The following UNC13B variants were observed in gnomAD, a reference collection of about 807,000 sequenced individuals.
The protein encoded by UNC13B is unc-13 homolog B, also known as protein unc-13 homolog B.
Under a neutral mutation model 211.0 loss-of-function variants are expected in UNC13B, and 144 were observed. The observed-to-expected ratio is 0.68, with a 90% CI of 0.60 to 0.78. UNC13B has a LOEUF of 0.78. Ranked by LOEUF, UNC13B falls within the 30% of genes least tolerant of loss-of-function variation. The probability of loss-of-function intolerance (pLI) is 0.00; values close to 1 mark genes in which losing one functional copy is unlikely to be tolerated. For synonymous variants in UNC13B, 709 were observed against 725.8 expected (o/e 0.98, Z 0.37); for missense variants, 1,777 against 2,002.0 (o/e 0.89, Z 2.14).
chr9:35,189,121 A>C (rs1822513709), intron 1 of UNC13B, among the ~76,000 whole-genome samples: 1 of 152,188 alleles, frequency 6.6e-6, no homozygotes, highest in South Asian at 2.1e-4. Flanking sequence ...ATAATCCCTC[A>C]TACCTGGGCA....
chr9:35,363,031 C>T (rs1833533093), intron 11 of UNC13B, among the ~76,000 whole-genome samples: 1 of 152,040 alleles, frequency 6.6e-6, no homozygotes, highest in Admixed American at 6.6e-5. Context: ...GTGTGAGATG[C>T]TATTTCAGGC....
chr9:35,204,043 G>C (rs1201862750), intron 1 of UNC13B, among the ~76,000 whole-genome samples: 1 of 152,254 alleles, frequency 6.6e-6, no homozygotes, highest in Non-Finnish European at 1.5e-5. Context: ...ACAGCTCCAT[G>C]CATCCTGGAG....
intron 11 of UNC13B, among the ~76,000 whole-genome samples, chr9:35,328,983 A>G (rs753181911): frequency 1.8e-4 from 28 of 151,858 alleles, no homozygotes; most frequent in South Asian, 2.1e-4. Flanking sequence ...GTGTTAGCTA[A>G]GATGGTCTCG....
In UNC13B at chr9:35,303,854, A is replaced by C. The variant is rs906281204; in HGVS notation, c.4450A>C (p.Thr1484Pro). 11 of 398,682 alleles carry C rather than the reference A, an allele frequency of 2.8e-5. No individual in the cohort carries two copies. The highest frequency in any genetic ancestry group is 4.9e-5 in the Non-Finnish European group (11 of 225,852). 24.7% of individuals were successfully genotyped at this position (398,682 alleles called of 1,614,324 possible). ...DLSSSSDHEK[T>P]TCPVVDQESL... ...AAGTTCTTCATCAGATCATGAAAAG[A>C]CTACATGCCCCGTAGTTGATCAAGA... Residue 1484 changes from threonine (T) to proline (P), a missense_variant, in exon 9 of 40, where the codon ACT becomes CCT. Transcript: ENST00000635942.
chr9:35,219,714 C>G (rs1047011439), intron 1 of UNC13B, among the ~76,000 whole-genome samples: 1 of 151,586 alleles, frequency 6.6e-6, no homozygotes, highest in African/African-American at 2.4e-5. Context: ...CATGTAGTTG[C>G]CACCTTAATT....
intron 1 of UNC13B, among the ~76,000 whole-genome samples, chr9:35,216,893 G>C (rs1016103914): frequency 6.6e-5 from 10 of 152,068 alleles, no homozygotes; most frequent in Non-Finnish European, 2.9e-5. Flanking sequence ...ATTATGCTGA[G>C]TGGAAAAAAA....
intron 24 of UNC13B, among the ~76,000 whole-genome samples, chr9:35,387,537 A>C (rs1043217022): frequency 6.6e-6 from 1 of 152,156 alleles, no homozygotes; most frequent in East Asian, 1.9e-4. Context: ...CTCCTCTGTC[A>C]TCTGTCTATG....
At chr9:35,181,325 T>G (rs1045117187) in intron 1 of UNC13B, among the ~76,000 whole-genome samples, 2 of 152,202 alleles carry the variant, frequency 1.3e-5, no homozygotes, top group Non-Finnish European at 2.9e-5. Flanking sequence ...GATTCTGTTT[T>G]CTAAAAAAAA....
intron 11 of UNC13B, chr9:35,352,557 A>C: frequency 2.0e-5 from 25 of 1,232,190 alleles, no homozygotes; most frequent in Non-Finnish European, 2.5e-5. Context: ...CTTCAGATGG[A>C]AACAGGGGAC....
chr9:35,180,320 G>A (rs1365955691), intron 1 of UNC13B, among the ~76,000 whole-genome samples: 2 of 152,010 alleles, frequency 1.3e-5, no homozygotes, highest in South Asian at 2.1e-4. Flanking sequence ...TTCTTTTTAA[G>A]TTGTGATAAG....
chr9:35,378,201 G>A, intron 16 of UNC13B, 94 bp from the exon 17 acceptor site: 3 of 1,513,328 alleles, frequency 2.0e-6, no homozygotes, highest in Non-Finnish European at 2.7e-6. Context: ...TCTGTGCAAG[G>A]AGCATAGACT....
intron 11 of UNC13B, among the ~76,000 whole-genome samples, chr9:35,348,210 A>G (rs955783473): frequency 6.6e-6 from 1 of 152,232 alleles, no homozygotes; most frequent in Non-Finnish European, 1.5e-5. Flanking sequence ...AGTCAGCTTC[A>G]TTAGTGTTCC....
At chr9:35,299,475 G>T (rs1829564207) in intron 8 of UNC13B, among the ~76,000 whole-genome samples, 1 of 151,828 alleles carries the variant, frequency 6.6e-6, no homozygotes, top group African/African-American at 2.4e-5. Flanking sequence ...GATATATTTT[G>T]CTGGTATACT....
chr9:35,393,510 A>G (rs1316846424), intron 26 of UNC13B, among the ~76,000 whole-genome samples: 1 of 149,876 alleles, frequency 6.7e-6, no homozygotes, highest in Non-Finnish European at 1.5e-5. Flanking sequence ...GAAGATGGAG[A>G]GGTGTGACGG....
At chr9:35,202,937 C>T (rs534096520) in intron 1 of UNC13B, among the ~76,000 whole-genome samples, 5 of 152,066 alleles carry the variant, frequency 3.3e-5, no homozygotes, top group South Asian at 2.1e-4. Context: ...GGACAACAGG[C>T]GCCTGCCAAC....
chr9:35,182,130 A>G (rs1275131525), intron 1 of UNC13B, among the ~76,000 whole-genome samples: 1 of 152,154 alleles, frequency 6.6e-6, no homozygotes, highest in Non-Finnish European at 1.5e-5. Flanking sequence ...TTCCTATATC[A>G]TCTTCAGTAA....
intron 22 of UNC13B, chr9:35,385,294 G>A: frequency 1.0e-6 from 1 of 985,432 alleles, no homozygotes; most frequent in Non-Finnish European, 1.2e-6. Context: ...AAAAGTACAG[G>A]TCCTGGACCT....
chr9:35,217,635 C>A (rs1167576134), intron 1 of UNC13B, among the ~76,000 whole-genome samples: 2 of 152,194 alleles, frequency 1.3e-5, no homozygotes, highest in Admixed American at 1.3e-4. Context: ...GTGATCCGCC[C>A]GCCTCGGCCT....
At chr9:35,363,327 A>G (rs533017542) in intron 11 of UNC13B, among the ~76,000 whole-genome samples, 2 of 151,834 alleles carry the variant, frequency 1.3e-5, no homozygotes, top group Admixed American at 1.3e-4. Context: ...GGAGAGGTAC[A>G]TTTCCAGTTT....
Sources: gnomAD v4.1 joint callset for allele counts (sites outside exome capture counted in the v4.1 genomes callset) on GRCh38, gnomAD v4.1.1 for gene constraint, MANE v1.5 for transcripts, NCBI Gene and HGNC (gene_info 2026-07-23, HGNC 2026-07-21) for gene names.